The following IL12RB2 variants were observed in gnomAD, a reference collection of about 807,000 sequenced individuals.
The protein encoded by IL12RB2 is interleukin-12 receptor subunit beta-2.
Under a neutral mutation model 89.4 loss-of-function variants are expected in IL12RB2, and 82 were observed. That is an observed-to-expected ratio of 0.92 (90% CI 0.77 to 1.10). The LOEUF is 1.10. Ranked by LOEUF, IL12RB2 falls within the 50% of genes least tolerant of loss-of-function variation. IL12RB2 has a pLI of 0.00. For missense variants in IL12RB2, 963 were observed against 1,031.9 expected (o/e 0.93, Z 0.92); for synonymous variants, 368 against 370.1 (o/e 0.99, Z 0.07).
At chr1:67,356,947 T>C (rs1661458737) in intron 10 of IL12RB2, among the ~76,000 whole-genome samples, 1 of 152,138 alleles carries the variant, frequency 6.6e-6, no homozygotes, top group Admixed American at 6.5e-5. Context: ...TAAGAGAGAA[T>C]ACCAAAACAT....
chr1:67,347,349 A>C (rs1197438140), intron 9 of IL12RB2, among the ~76,000 whole-genome samples: 2 of 150,030 alleles, frequency 1.3e-5, no homozygotes, highest in Non-Finnish European at 2.9e-5. Flanking sequence ...TCAGAAGTAG[A>C]GCATTACTTT....
intron 10 of IL12RB2, among the ~76,000 whole-genome samples, chr1:67,367,404 AAAAG>A (rs1168606190): frequency 3.3e-5 from 5 of 151,364 alleles, no homozygotes; most frequent in South Asian, 2.1e-4. Context: ...CAAGGAAAAA[AAAAG>A]AAAGAGAGAG....
chr1:67,352,938 T>C (rs1661006374), intron 10 of IL12RB2, among the ~76,000 whole-genome samples: 1 of 152,178 alleles, frequency 6.6e-6, no homozygotes, highest in Non-Finnish European at 1.5e-5. Flanking sequence ...GGGAGCAACT[T>C]GGCAATATGT....
intron 2 of IL12RB2, among the ~76,000 whole-genome samples, chr1:67,317,902 G>A (rs1303599765): frequency 6.6e-6 from 1 of 152,112 alleles, no homozygotes; most frequent in Non-Finnish European, 1.5e-5. Context: ...ATTAAGTAAA[G>A]GAATAAGGCA....
intron 10 of IL12RB2, among the ~76,000 whole-genome samples, chr1:67,363,357 C>A (rs1468858053): frequency 6.6e-6 from 1 of 151,630 alleles, no homozygotes. Flanking sequence ...GCTGGGATTA[C>A]AGGCATGTGC....
chr1:67,374,790 T>C (rs1663782813), intron 13 of IL12RB2, among the ~76,000 whole-genome samples: 1 of 147,186 alleles, frequency 6.8e-6, no homozygotes, highest in African/African-American at 2.5e-5. Context: ...TTTTTTTTTT[T>C]TTTTTTTTTT....
At chr1:67,357,589 A>G (rs1400980401) in intron 10 of IL12RB2, among the ~76,000 whole-genome samples, 1 of 152,226 alleles carries the variant, frequency 6.6e-6, no homozygotes, top group Non-Finnish European at 1.5e-5. Context: ...GCATTCTTCA[A>G]ACATCTTTTC....
chr1:67,380,732 G>C (rs911253724), intron 14 of IL12RB2, among the ~76,000 whole-genome samples: 3 of 152,162 alleles, frequency 2.0e-5, no homozygotes, highest in African/African-American at 7.2e-5. Flanking sequence ...GGAGGGCTAT[G>C]AGAGAGAATC....
chr1:67,384,089 T>C (rs945502147), intron 14 of IL12RB2, among the ~76,000 whole-genome samples: 2 of 152,240 alleles, frequency 1.3e-5, no homozygotes, highest in African/African-American at 4.8e-5. Context: ...CACTAGGCAG[T>C]GCCCAGTGGG....
intron 4 of IL12RB2, among the ~76,000 whole-genome samples, chr1:67,323,565 C>A (rs1656873694): frequency 6.6e-6 from 1 of 152,154 alleles, no homozygotes; most frequent in South Asian, 2.1e-4. Context: ...TCAACAGCAA[C>A]CTGGAATGTG....
At chr1:67,334,017 G>C (rs1658441216) in intron 8 of IL12RB2, among the ~76,000 whole-genome samples, 1 of 152,158 alleles carries the variant, frequency 6.6e-6, no homozygotes, top group Non-Finnish European at 1.5e-5. Context: ...TCGTACTTTG[G>C]AGGGGCAGAG....
intron 14 of IL12RB2, among the ~76,000 whole-genome samples, chr1:67,384,499 G>T (rs1375069575): frequency 6.6e-6 from 1 of 152,218 alleles, no homozygotes; most frequent in East Asian, 1.9e-4. Flanking sequence ...TGTCATGAAG[G>T]TTCCTAACAT....
At chr1:67,333,182 T>C (rs1177537473) in intron 8 of IL12RB2, among the ~76,000 whole-genome samples, 1 of 152,202 alleles carries the variant, frequency 6.6e-6, no homozygotes, top group Admixed American at 6.5e-5. Context: ...ATGTTTGATT[T>C]TTCTGTGGGT....
chr1:67,350,289 C>A (rs1487301510), intron 9 of IL12RB2, among the ~76,000 whole-genome samples: 4 of 152,216 alleles, frequency 2.6e-5, no homozygotes, highest in Admixed American at 2.0e-4. Context: ...TTTGCAGTTC[C>A]AAAAGTTGTT....
At chr1:67,374,476 CTTTTT>C (rs34836285) in intron 13 of IL12RB2, among the ~76,000 whole-genome samples, 1 of 136,572 alleles carries the variant, frequency 7.3e-6, no homozygotes, top group African/African-American at 2.7e-5. Flanking sequence ...TCTGTTTATT[CTTTTT>C]TTTTTTTTTT....
In IL12RB2 at chr1:67,320,337, A is replaced by G. The variant is rs1390583901; in HGVS notation, c.-32A>G. The G allele has an allele frequency of 1.9e-6, 3 of 1,613,840 alleles. No homozygotes were observed. The South Asian group carries it at 3.3e-5, about 18-fold the overall frequency. On this transcript the variant is annotated 5_prime_UTR_variant, in exon 3 of 17. Coordinates refer to ENST00000674203, the MANE Select transcript of IL12RB2 (RefSeq NM_001374259.2). ...GAATTTGTCTTCTTTTGCAAGGAAG[A>G]ATACGGAGTTCTATACCAGAGTTGA... is the stretch of plus-strand genomic sequence containing the variant.
At chr1:67,332,401 G>C (rs548487539) in intron 8 of IL12RB2, among the ~76,000 whole-genome samples, 1 of 152,148 alleles carries the variant, frequency 6.6e-6, no homozygotes, top group East Asian at 1.9e-4. Context: ...ATTTTCAGTA[G>C]AGACAGGTTT....
At chr1:67,387,873 A>G (rs6678974) in intron 15 of IL12RB2, among the ~76,000 whole-genome samples, 70,982 of 151,882 alleles carry the variant, frequency 0.47, 18,762 homozygotes, top group Non-Finnish European at 0.58. Context: ...TATATAATAT[A>G]AAAGTCAAAA....
intron 3 of IL12RB2, 50 bp downstream of exon 3, chr1:67,320,494 C>G: frequency 6.2e-7 from 1 of 1,611,266 alleles, no homozygotes; most frequent in Non-Finnish European, 8.5e-7. Context: ...GGTTTAAATT[C>G]TCAGTTACAG....
Sources: allele counts gnomAD v4.1 joint callset (sites outside exome capture counted in the v4.1 genomes callset), GRCh38; gene constraint gnomAD v4.1.1; transcripts MANE v1.5; gene names NCBI Gene and HGNC (gene_info 2026-07-23, HGNC 2026-07-21).